Variants in EYS observed in about 807,000 individuals in gnomAD.
The protein encoded by EYS is EGF-like photoreceptor maintenance factor.
In EYS, 250 loss-of-function variants were observed where a neutral mutation model predicts 282.1. The ratio of observed to expected loss-of-function variants is 0.89; its 90% CI spans 0.80 to 0.98. The LOEUF (loss-of-function observed/expected upper bound fraction) is 0.98. EYS is among the 50% of genes least tolerant of loss of function. The probability of loss-of-function intolerance (pLI) is 0.00; values close to 1 mark genes in which losing one functional copy is unlikely to be tolerated. For synonymous variants in EYS, 1,355 were observed against 1,282.9 expected, an observed-to-expected ratio of 1.06 and a Z score of -1.20; for missense variants, 4,016 against 3,709.0, an observed-to-expected ratio of 1.08 and a Z score of -2.15.
Position 64,590,526 on chromosome 6 carries a change from C to G in EYS, c.5341G>C (p.Val1781Leu). The G allele has an allele frequency of 1.3e-6, 2 of 1,551,382 alleles. No individual in the cohort carries two copies. Among genetic ancestry groups the G allele is most frequent in the Non-Finnish European group, 8.7e-7 (1 of 1,146,766 alleles). Residue 1781 changes from valine to leucine, a missense_variant, in exon 26 of 43, where the codon GTG (valine) becomes CTG (leucine). Val to Leu is a conservative substitution (Grantham distance 32). Coordinates refer to ENST00000503581, the MANE Select transcript of EYS (RefSeq NM_001142800.2). ...KNNLPPLTGS[V>L]PDFSEVTTNV... is the part of the protein sequence containing the mutation. ...GTGGTGACTTCTGAAAAATCAGGCACTGAGCCTGTCAATGGTGGCAGATTA... is the reference window on the plus strand; with the variant it reads ...GTGGTGACTTCTGAAAAATCAGGCAGTGAGCCTGTCAATGGTGGCAGATTA...
chr6:65,051,278 G>A (rs1177153962), intron 13 of EYS, among the ~76,000 whole-genome samples: 1 of 151,406 alleles, frequency 6.6e-6, no homozygotes, highest in Non-Finnish European at 1.5e-5. Flanking sequence ...AGTGATATAT[G>A]CAACATTATT....
At chr6:64,213,129 C>G (rs1765829925) in intron 31 of EYS, among the ~76,000 whole-genome samples, 1 of 152,106 alleles carries the variant, frequency 6.6e-6, no homozygotes, top group South Asian at 2.1e-4. Context: ...GGAAAACTAA[C>G]TAATGGGTAT....
intron 14 of EYS, among the ~76,000 whole-genome samples, chr6:64,986,797 AATATAT>A (rs144177847): frequency 1.3e-5 from 2 of 149,004 alleles, no homozygotes; most frequent in Non-Finnish European, 1.5e-5. Context: ...TTTGTCTCAG[AATATAT>A]ATATATATAT....
intron 14 of EYS, among the ~76,000 whole-genome samples, chr6:64,996,262 C>T (rs1037694117): frequency 4.6e-5 from 7 of 152,036 alleles, no homozygotes; most frequent in African/African-American, 1.4e-4. Context: ...AGGACACTCA[C>T]TAATAATAGA....
chr6:65,142,401 C>A (rs773652368), intron 12 of EYS, among the ~76,000 whole-genome samples: 1 of 150,246 alleles, frequency 6.7e-6, no homozygotes, highest in African/African-American at 2.4e-5. Flanking sequence ...ATCAGTAGAT[C>A]TTTGTTGTGA....
chr6:64,999,450 T>G (rs1006732968), intron 13 of EYS, among the ~76,000 whole-genome samples: 3 of 151,948 alleles, frequency 2.0e-5, no homozygotes, highest in African/African-American at 4.8e-5. Flanking sequence ...TCCCTTTAAA[T>G]GATACAGAAG....
chr6:65,341,300 C>A (rs1283739989), intron 10 of EYS, among the ~76,000 whole-genome samples: 1 of 151,152 alleles, frequency 6.6e-6, no homozygotes, highest in African/African-American at 2.4e-5. Flanking sequence ...TGATATTGTA[C>A]AAATGCTTGC....
At chr6:65,383,221 C>A (rs924842149) in intron 8 of EYS, among the ~76,000 whole-genome samples, 8 of 151,768 alleles carry the variant, frequency 5.3e-5, no homozygotes, top group African/African-American at 1.9e-4. Context: ...ATTTATAGGG[C>A]ATATTCCATT....
rs562037794 is a variant in EYS at position 65,394,038 on chromosome 6, T to C, written c.1184+8440A>G. On this transcript the variant is annotated intron_variant, in intron 7 of 42. Coordinates refer to ENST00000503581, the MANE Select transcript of EYS (RefSeq NM_001142800.2). ...CATATTTTACAAAGTTTTCTCCCAATTAATTTGGTTAAATAGTTGATTTTC... is the reference window on the plus strand; with the variant it reads ...CATATTTTACAAAGTTTTCTCCCAACTAATTTGGTTAAATAGTTGATTTTC... Among the ~76,000 whole-genome samples, 262 of 152,272 alleles carry C rather than the reference T, an allele frequency of 1.7e-3. 1 individual carries two copies. The highest frequency in any genetic ancestry group is 6.1e-3 in the African/African-American group (253 of 41,562).
chr6:65,019,571 A>G (rs1445182357), intron 13 of EYS, among the ~76,000 whole-genome samples: 1 of 152,226 alleles, frequency 6.6e-6, no homozygotes, highest in Non-Finnish European at 1.5e-5. Context: ...TAAATGACAT[A>G]AGGTATGTTA....
intron 25 of EYS, among the ~76,000 whole-genome samples, chr6:64,592,410 C>T (rs913598637): frequency 5.9e-5 from 9 of 152,184 alleles, no homozygotes; most frequent in African/African-American, 2.2e-4. Flanking sequence ...TATTAGATAA[C>T]ACCATATTTC....
intron 29 of EYS, among the ~76,000 whole-genome samples, chr6:64,330,560 C>T (rs942293099): frequency 6.6e-6 from 1 of 152,132 alleles, no homozygotes; most frequent in Admixed American, 6.5e-5. Context: ...AAAGGAATAG[C>T]TACAGGAGTC....
intron 13 of EYS, among the ~76,000 whole-genome samples, chr6:65,048,183 A>G (rs1322803806): frequency 2.0e-5 from 3 of 151,838 alleles, no homozygotes; most frequent in Non-Finnish European, 4.4e-5. Flanking sequence ...CCCCCTATTT[A>G]GCCTCGTTTC....
chr6:65,405,463 T>C, intron 5 of EYS, 96 bp from the exon 6 acceptor site: 1 of 980,362 alleles, frequency 1.0e-6, no homozygotes, highest in South Asian at 1.4e-5. Context: ...AAAATTTCTC[T>C]AGAGTTTATG....
intron 36 of EYS, among the ~76,000 whole-genome samples, chr6:63,855,646 C>T (rs1165557296): frequency 6.6e-6 from 1 of 152,060 alleles, no homozygotes; most frequent in African/African-American, 2.4e-5. Flanking sequence ...ATGGCCGAGG[C>T]AGATAGGGTG....
At chr6:63,895,776 G>A (rs1773520496) in intron 35 of EYS, among the ~76,000 whole-genome samples, 1 of 152,090 alleles carries the variant, frequency 6.6e-6, no homozygotes, top group Non-Finnish European at 1.5e-5. Flanking sequence ...AGCCATGTGT[G>A]TAGTCCTAGT....
intron 18 of EYS, among the ~76,000 whole-genome samples, chr6:64,893,020 T>A (rs1767335985): frequency 6.6e-6 from 1 of 152,090 alleles, no homozygotes; most frequent in South Asian, 2.1e-4. Flanking sequence ...TTCTATTTTT[T>A]CTTTAAATGC....
At chr6:64,035,006 G>A (rs542661145) in intron 33 of EYS, among the ~76,000 whole-genome samples, 3 of 152,102 alleles carry the variant, frequency 2.0e-5, no homozygotes, top group Non-Finnish European at 2.9e-5. Context: ...ATAGCTAGAC[G>A]TCAATGTCTG....
At chr6:64,427,878 T>C (rs991307987) in intron 28 of EYS, among the ~76,000 whole-genome samples, 1 of 152,146 alleles carries the variant, frequency 6.6e-6, no homozygotes, top group African/African-American at 2.4e-5. Context: ...TGACTTGAAT[T>C]AAGCATTAAT....
Sources: gnomAD v4.1 joint callset for allele counts (sites outside exome capture counted in the v4.1 genomes callset) on GRCh38, gnomAD v4.1.1 for gene constraint, MANE v1.5 for transcripts, NCBI Gene and HGNC (gene_info 2026-07-23, HGNC 2026-07-21) for gene names.